Variants in ZDHHC21 observed in about 807,000 individuals in gnomAD.
The protein encoded by ZDHHC21 is zDHHC palmitoyltransferase 21, also known as palmitoyltransferase ZDHHC21.
Under a neutral mutation model 34.6 loss-of-function variants are expected in ZDHHC21, and 15 were observed. The ratio of observed to expected loss-of-function variants is 0.43; its 90% confidence interval spans 0.29 to 0.67. The LOEUF is 0.67. Among genes scored for constraint, ZDHHC21 ranks in the 30% least tolerant of loss-of-function variants. The pLI, the probability that ZDHHC21 is intolerant of heterozygous loss-of-function variation, is 0.14. For missense variants in ZDHHC21, 344 were observed against 327.7 expected, an observed-to-expected ratio of 1.05 and a Z score of -0.38; for synonymous variants, 142 against 101.8, an observed-to-expected ratio of 1.40 and a Z score of -2.38.
In ZDHHC21 at chr9:14,674,434, C is replaced by T. The variant is rs552220841; in HGVS notation, c.-45-49G>A. 1.8e-4 allele frequency: 235 copies of T among 1,271,680 alleles called. No individual in the cohort carries two copies. The African/African-American group carries it at 3.4e-3, about 18-fold the overall frequency. 78.8% of individuals were successfully genotyped at this position (1,271,680 alleles called of 1,614,324 possible). A position where few individuals can be genotyped will look rare whatever the true frequency, so the allele number is the denominator to read the frequency against. On this transcript the variant is annotated intron_variant, in intron 3 of 9. Coordinates refer to ENST00000380916, the MANE Select transcript of ZDHHC21 (RefSeq NM_178566.6). Reference sequence around the variant, plus strand: ...TAATTACTTACATAGAAAAATTTGACTAAAACCTGTATTTCTGGCAACTTT... The same window carrying T: ...TAATTACTTACATAGAAAAATTTGATTAAAACCTGTATTTCTGGCAACTTT...
chr9:14,675,539 C>G (rs577031209), intron 3 of ZDHHC21, among the ~76,000 whole-genome samples: 1 of 151,844 alleles, frequency 6.6e-6, no homozygotes, highest in Admixed American at 6.6e-5. Flanking sequence ...AGCACTGACC[C>G]ATGAGCTTCA....
intron 7 of ZDHHC21, among the ~76,000 whole-genome samples, chr9:14,645,126 G>T (rs1259010781): frequency 6.6e-6 from 1 of 152,138 alleles, no homozygotes; most frequent in South Asian, 2.1e-4. Flanking sequence ...CACAGGGGTG[G>T]TGAGAGGAGA....
rs891696245 is a variant in ZDHHC21, at chr9:14,613,921, T to C, written c.*5045A>G. The C allele has an allele frequency of 4.6e-5, 7 of 151,770 alleles. No individual in the cohort carries two copies. The highest frequency in any genetic ancestry group is 1.4e-4 in the African/African-American group (6 of 41,410). The allele number at this position is 151,770 out of a possible 1,614,324, so 9.4% of individuals were successfully genotyped here. A position where few individuals can be genotyped will look rare whatever the true frequency, so the allele number is the denominator to read the frequency against. ...TTTAACACTTCACATGATCATACTC[T>C]ACACAATTATATTTAAAACTAAAAT... On this transcript the variant is annotated 3_prime_UTR_variant, in exon 10 of 10. Coordinates refer to ENST00000380916, the MANE Select transcript of ZDHHC21 (RefSeq NM_178566.6).
intron 3 of ZDHHC21, among the ~76,000 whole-genome samples, chr9:14,678,975 T>C (rs545773668): frequency 1.3e-5 from 2 of 152,140 alleles, no homozygotes; most frequent in African/African-American, 4.8e-5. Flanking sequence ...AACCGGTTTT[T>C]CTGGAAAGAG....
downstream of ZDHHC21, among the ~76,000 whole-genome samples, chr9:14,609,094 A>G (rs1198414233): frequency 7.1e-5 from 3 of 42,182 alleles, no homozygotes; most frequent in African/African-American, 2.0e-4. Context: ...TCCTCCCCAA[A>G]CAAAGCCAAA....
At chr9:14,656,995 C>T (rs1483515980) in intron 7 of ZDHHC21, among the ~76,000 whole-genome samples, 1 of 151,906 alleles carries the variant, frequency 6.6e-6, no homozygotes, top group East Asian at 1.9e-4. Flanking sequence ...TGTAAATATA[C>T]ACATATATGT....
intron 8 of ZDHHC21, among the ~76,000 whole-genome samples, chr9:14,620,510 T>G (rs1193610528): frequency 6.6e-6 from 1 of 151,926 alleles, no homozygotes; most frequent in Non-Finnish European, 1.5e-5. Flanking sequence ...CTGGAGAAGT[T>G]TTCCTCTTTT....
At chr9:14,682,792 G>C (rs980653568) in intron 2 of ZDHHC21, among the ~76,000 whole-genome samples, 1 of 152,138 alleles carries the variant, frequency 6.6e-6, no homozygotes, top group Admixed American at 6.5e-5. Context: ...TAGAAGTAAA[G>C]CACTTCTCAG....
At chr9:14,629,516 G>A (rs1037554372) in intron 8 of ZDHHC21, among the ~76,000 whole-genome samples, 4 of 151,928 alleles carry the variant, frequency 2.6e-5, no homozygotes, top group African/African-American at 7.3e-5. Flanking sequence ...AAAATTTTTC[G>A]GTTTCTCACT....
At chr9:14,651,553 T>C (rs985468777) in intron 7 of ZDHHC21, among the ~76,000 whole-genome samples, 25 of 151,996 alleles carry the variant, frequency 1.6e-4, no homozygotes, top group South Asian at 8.3e-4. Context: ...AAATATTTCA[T>C]AGGAGTAGAC....
At chr9:14,633,740 C>A (rs898094812) in intron 8 of ZDHHC21, among the ~76,000 whole-genome samples, 1 of 152,088 alleles carries the variant, frequency 6.6e-6, no homozygotes, top group Non-Finnish European at 1.5e-5. Context: ...TTTCACATGC[C>A]CCAATGTCAA....
rs1823533027 is a variant in ZDHHC21, at chr9:14,612,794, T to C, written c.*6172A>G. 1 of 151,472 alleles carries C rather than the reference T, an allele frequency of 6.6e-6. No homozygotes were observed. Among genetic ancestry groups the C allele is most frequent in the Admixed American group, 6.6e-5 (1 of 15,084 alleles). The allele number at this position is 151,472 out of a possible 1,614,324, so 9.4% of individuals were successfully genotyped here. On this transcript the variant is annotated 3_prime_UTR_variant, in exon 10 of 10. Coordinates refer to ENST00000380916, the MANE Select transcript of ZDHHC21 (RefSeq NM_178566.6). ...TTTTAAAGGTGTTCTGTTATCTTTA[T>C]TTGCAAAGTAGACAAATGGCAATAT... is the stretch of plus-strand genomic sequence containing the variant.
chr9:14,610,213 T>A (rs1208858427), downstream of ZDHHC21, among the ~76,000 whole-genome samples: 1 of 152,000 alleles, frequency 6.6e-6, no homozygotes, highest in African/African-American at 2.4e-5. Flanking sequence ...CCTGCAGTAA[T>A]TTTTATAAAT....
chr9:14,618,983 A>AT lies in ZDHHC21; in HGVS notation c.780_781insA (p.Phe261IlefsTer80), dbSNP rs758691396. On this transcript the variant is annotated frameshift_variant, in exon 10 of 10. Coordinates refer to ENST00000380916, the MANE Select transcript of ZDHHC21 (RefSeq NM_178566.6). LOFTEE classifies it high-confidence loss of function. ...CCATCTGTTTAGACATGATTGGCAAAGTGGTAGGGAACTCGCAGTGGTTGC... is the reference window on the plus strand; with the variant it reads ...CCATCTGTTTAGACATGATTGGCAAATGTGGTAGGGAACTCGCAGTGGTTGC... The AT allele has an allele frequency of 1.7e-5, 28 of 1,609,158 alleles. No individual in the cohort carries two copies. The highest frequency in any genetic ancestry group is 2.4e-5 in the Non-Finnish European group (28 of 1,177,562).
chr9:14,664,177 C>T (rs1384917741), intron 5 of ZDHHC21, among the ~76,000 whole-genome samples: 2 of 150,820 alleles, frequency 1.3e-5, no homozygotes, highest in Admixed American at 1.3e-4. Context: ...CGAAGCAGGG[C>T]GAGGCATTGC....
chr9:14,674,430 T>A, intron 3 of ZDHHC21, 45 bp from the exon 4 acceptor site: 3 of 1,343,596 alleles, frequency 2.2e-6, no homozygotes, highest in Non-Finnish European at 3.0e-6. Context: ...ATAGAAAAAT[T>A]TGACTAAAAC....
chr9:14,627,724 G>A (rs1223850765), intron 8 of ZDHHC21, among the ~76,000 whole-genome samples: 2 of 152,236 alleles, frequency 1.3e-5, no homozygotes, highest in East Asian at 1.9e-4. Flanking sequence ...AGAATGCGCT[G>A]TACCAGCTGT....
At chr9:14,599,498 T>A in the ZDHHC21 span, among the ~76,000 whole-genome samples, 3 of 151,728 alleles carry the variant, frequency 2.0e-5, no homozygotes, top group Admixed American at 2.0e-4. Flanking sequence ...GGGCCCTGGG[T>A]TTCAAGCACA....
At chr9:14,605,540 AT>A in the ZDHHC21 span, among the ~76,000 whole-genome samples, 7 of 150,616 alleles carry the variant, frequency 4.6e-5, no homozygotes, top group African/African-American at 1.7e-4. Flanking sequence ...CTTTATATGG[AT>A]TTTTTTCTTC....
Sources: gnomAD v4.1 joint callset for allele counts (sites outside exome capture counted in the v4.1 genomes callset) on GRCh38, gnomAD v4.1.1 for gene constraint, MANE v1.5 for transcripts, NCBI Gene and HGNC (gene_info 2026-07-23, HGNC 2026-07-21) for gene names.